Variants in TENM4 observed in about 807,000 individuals in gnomAD.
TENM4 encodes teneurin transmembrane protein 4, also known as teneurin-4.
A neutral mutation model predicts 243.3 loss-of-function variants in TENM4; 82 were observed. That is an observed-to-expected ratio of 0.34 (90% CI 0.28 to 0.40). The LOEUF is 0.40. Ranked by LOEUF, TENM4 falls within the 10% of genes least tolerant of loss-of-function variation. The pLI is 1.00. For missense variants in TENM4, 3,138 were observed against 3,673.3 expected (o/e 0.85, Z 3.77); for synonymous variants, 1,412 against 1,456.3 (o/e 0.97, Z 0.69).
At chr11:79,397,104 G>C (rs538253411) in intron 1 of TENM4, among the ~76,000 whole-genome samples, 1 of 152,178 alleles carries the variant, frequency 6.6e-6, no homozygotes, top group South Asian at 2.1e-4. Flanking sequence ...GGCTTGACGT[G>C]TTAGGGCAGA....
At chr11:78,996,225 C>T (rs1177251122) in intron 6 of TENM4, among the ~76,000 whole-genome samples, 2 of 152,190 alleles carry the variant, frequency 1.3e-5, no homozygotes, top group South Asian at 2.1e-4. Flanking sequence ...CAGATGCTAG[C>T]TCTGGGCCCA....
intron 6 of TENM4, among the ~76,000 whole-genome samples, chr11:79,036,105 A>G (rs531539871): frequency 6.6e-6 from 1 of 152,174 alleles, no homozygotes; most frequent in African/African-American, 2.4e-5. Flanking sequence ...AGGATGTATG[A>G]GGTGCTTGGA....
chr11:78,958,829 C>T (rs898012805), intron 6 of TENM4, among the ~76,000 whole-genome samples: 5 of 152,218 alleles, frequency 3.3e-5, no homozygotes, highest in African/African-American at 1.2e-4. Flanking sequence ...AATCTGAATG[C>T]AGTCCCAGCT....
chr11:79,295,613 C>A (rs1194377100), intron 2 of TENM4, among the ~76,000 whole-genome samples: 1 of 152,064 alleles, frequency 6.6e-6, no homozygotes, highest in Non-Finnish European at 1.5e-5. Context: ...GAGGTTGAAG[C>A]AAAGAGATCA....
chr11:78,705,183 C>T (rs1859215192), intron 27 of TENM4, among the ~76,000 whole-genome samples: 1 of 152,202 alleles, frequency 6.6e-6, no homozygotes, highest in Non-Finnish European at 1.5e-5. Context: ...GCCTTCTGGT[C>T]CTGTGGCACC....
Position 78,982,407 on chromosome 11 carries a change from G to C in TENM4, c.494-78884C>G, listed in dbSNP as rs562523348. ...GTCCTCTTCCTCAGGGATGAGGCCA[G>C]AGTCCATGGACTCACCCTGGGCTCC... On this transcript the variant is annotated intron_variant, in intron 6 of 33. Transcript: ENST00000278550. 2.0e-5 allele frequency among the ~76,000 whole-genome samples: 3 copies of C among 152,274 alleles called. No individual in the cohort carries two copies. The South Asian group carries it at 6.2e-4, about 32-fold the overall frequency.
intron 1 of TENM4, among the ~76,000 whole-genome samples, chr11:79,332,818 C>T (rs1376315084): frequency 6.6e-6 from 1 of 152,130 alleles, no homozygotes. Context: ...TCTGCTTGCT[C>T]ACCTCCTCTG....
intron 4 of TENM4, among the ~76,000 whole-genome samples, chr11:79,116,650 C>T (rs1019361771): frequency 1.3e-5 from 2 of 152,206 alleles, no homozygotes; most frequent in Non-Finnish European, 2.9e-5. Context: ...TCTTCCTATA[C>T]AGCAAGTAAA....
chr11:78,799,391 T>C (rs1259976350), intron 15 of TENM4, among the ~76,000 whole-genome samples: 2 of 152,222 alleles, frequency 1.3e-5, no homozygotes, highest in Non-Finnish European at 2.9e-5. Flanking sequence ...CAGATTCAGG[T>C]CCAGGCCTTC....
At chr11:79,362,184 T>C (rs1166138083) in intron 1 of TENM4, among the ~76,000 whole-genome samples, 1 of 152,232 alleles carries the variant, frequency 6.6e-6, no homozygotes, top group East Asian at 1.9e-4. Flanking sequence ...AACCTGGTCT[T>C]ACACATCTTT....
chr11:78,875,760 T>C (rs905007154), intron 9 of TENM4, among the ~76,000 whole-genome samples: 1 of 152,168 alleles, frequency 6.6e-6, no homozygotes, highest in African/African-American at 2.4e-5. Context: ...ACTTAACAAA[T>C]ACTTACTGGA....
At chr11:79,006,238 T>C (rs1341500130) in intron 6 of TENM4, among the ~76,000 whole-genome samples, 1 of 152,124 alleles carries the variant, frequency 6.6e-6, no homozygotes, top group African/African-American at 2.4e-5. Flanking sequence ...GTACCTCCCT[T>C]TCTACCTTCA....
intron 6 of TENM4, among the ~76,000 whole-genome samples, chr11:79,020,668 G>A (rs1380292920): frequency 5.9e-5 from 9 of 151,816 alleles, no homozygotes; most frequent in Non-Finnish European, 2.9e-5. Context: ...GTTGTCTACT[G>A]TTGCTGACAA....
At chr11:78,870,240 T>G (rs942147043) in intron 9 of TENM4, among the ~76,000 whole-genome samples, 4 of 152,184 alleles carry the variant, frequency 2.6e-5, no homozygotes, top group African/African-American at 9.6e-5. Context: ...TCACTGTCAT[T>G]TTGCTATGCT....
chr11:79,186,478 A>AG (rs1057288833), intron 3 of TENM4, among the ~76,000 whole-genome samples: 10 of 152,368 alleles, frequency 6.6e-5, no homozygotes, highest in Admixed American at 4.6e-4. Context: ...CTCATTTTAT[A>AG]GATGAGGCTG....
At chr11:78,741,735 G>T (rs150060175) in intron 19 of TENM4, among the ~76,000 whole-genome samples, 214 of 152,306 alleles carry the variant, frequency 1.4e-3, no homozygotes, top group African/African-American at 5.1e-3. Context: ...CTACACTGAG[G>T]GTTGGGCACT....
At chr11:79,416,888 GA>G (rs925024318) in intron 1 of TENM4, among the ~76,000 whole-genome samples, 2 of 144,698 alleles carry the variant, frequency 1.4e-5, no homozygotes, top group Non-Finnish European at 3.1e-5. Flanking sequence ...AAAAAAAAAA[GA>G]AAAAAAAAGA....
rs1054859770 is a variant in TENM4, at chr11:79,437,040, A to G, written c.-321+3469T>C. 7.9e-5 allele frequency among the ~76,000 whole-genome samples: 12 copies of G among 152,374 alleles called. 1 individual carries two copies. Among genetic ancestry groups the G allele is most frequent in the Admixed American group, 3.9e-4 (6 of 15,312 alleles). ...CCAAACATTTCCAAGGACCTACGGCACACAGGTGCCGCTAAAGGAGACACC... is the reference window on the plus strand; with the variant it reads ...CCAAACATTTCCAAGGACCTACGGCGCACAGGTGCCGCTAAAGGAGACACC... On this transcript the variant is annotated intron_variant, in intron 1 of 33. Coordinates refer to ENST00000278550, the MANE Select transcript of TENM4 (RefSeq NM_001098816.3).
intron 6 of TENM4, among the ~76,000 whole-genome samples, chr11:78,923,853 T>A (rs1311437839): frequency 2.7e-5 from 4 of 149,750 alleles, no homozygotes; most frequent in African/African-American, 9.8e-5. Flanking sequence ...CTTTTTTTTT[T>A]TTCTTTTCTT....
Sources: gnomAD v4.1 joint callset for allele counts (sites outside exome capture counted in the v4.1 genomes callset) on GRCh38, gnomAD v4.1.1 for gene constraint, MANE v1.5 for transcripts, NCBI Gene and HGNC (gene_info 2026-07-23, HGNC 2026-07-21) for gene names.